Variants in C14orf39 observed in about 807,000 individuals in gnomAD.
C14orf39 encodes chromosome 14 open reading frame 39, also known as protein SIX6OS1.
A neutral mutation model predicts 85.6 loss-of-function variants in C14orf39; 66 were observed. The observed-to-expected ratio is 0.77, with a 90% CI of 0.63 to 0.95. The LOEUF (loss-of-function observed/expected upper bound fraction) is 0.95, where lower values mean the gene tolerates loss of function less well. Among genes scored for constraint, C14orf39 ranks in the 40% least tolerant of loss-of-function variants. The pLI, the probability that C14orf39 is intolerant of heterozygous loss-of-function variation, is 0.00. For synonymous variants in C14orf39, 242 were observed against 214.0 expected (o/e 1.13, Z -1.14); for missense variants, 735 against 663.9 (o/e 1.11, Z -1.18).
chr14:60,495,736 G>T, intron 2 of C14orf39: 1 of 217,228 alleles, frequency 4.6e-6, no homozygotes, highest in Non-Finnish European at 9.4e-6. Context: ...GTATCTACAA[G>T]GAGCTATCAG....
upstream of C14orf39, among the ~76,000 whole-genome samples, chr14:60,486,896 CATGTT>C (rs1892904751): frequency 6.6e-6 from 1 of 152,172 alleles, no homozygotes; most frequent in African/African-American, 2.4e-5. Flanking sequence ...ACAAAACTAA[CATGTT>C]TTGATAATGT....
At chr14:60,477,864 A>T (rs1298653225) in intron 5 of C14orf39, among the ~76,000 whole-genome samples, 2 of 152,078 alleles carry the variant, frequency 1.3e-5, no homozygotes, top group African/African-American at 4.8e-5. Flanking sequence ...CAAGGAGTCC[A>T]AAACACTACA....
At position 60,466,040 on chromosome 14, in the gene C14orf39, C is replaced by G; in HGVS notation, c.911G>C (p.Ser304Thr). The change falls in exon 11 of 18, where the codon AGT becomes ACT. Residue 304 changes from serine (S) to threonine (T), a missense_variant. Ser to Thr is a moderately conservative substitution (Grantham distance 58). Coordinates refer to ENST00000321731, the MANE Select transcript of C14orf39 (RefSeq NM_174978.3). ...EPRVADIKEESSAKQSKLANI... is the reference protein window; with the variant it reads ...EPRVADIKEETSAKQSKLANI... Reference sequence around the variant, plus strand: ...GGCAAGCTTTGACTGCTTCGCAGAACTTTCTTCTTTTATATCTAGATTATT... The same window carrying G: ...GGCAAGCTTTGACTGCTTCGCAGAAGTTTCTTCTTTTATATCTAGATTATT... 1.3e-6 allele frequency: 2 copies of G among 1,523,862 alleles called. No homozygotes were observed. Among genetic ancestry groups the G allele is most frequent in the Non-Finnish European group, 1.8e-6 (2 of 1,132,898 alleles). 94.4% of individuals were successfully genotyped at this position (1,523,862 alleles called of 1,614,324 possible). A position where few individuals can be genotyped will look rare whatever the true frequency, so the allele number is the denominator to read the frequency against.
In C14orf39 at chr14:60,495,985, C is replaced by G. The variant is rs150576249; in HGVS notation, c.-9+3311G>C. 181 of 484,648 alleles carry G rather than the reference C, an allele frequency of 3.7e-4. 1 individual carries two copies. Among genetic ancestry groups the G allele is most frequent in the Admixed American group, 1.8e-4 (8 of 43,676 alleles). 30.0% of individuals were successfully genotyped at this position (484,648 alleles called of 1,614,324 possible). On this transcript the variant is annotated intron_variant, in intron 2 of 5. Coordinates refer to the C14orf39 transcript ENST00000556799. ...GGAGCACATATGTCCCACTTTAGGACGAAGGGTATCAGTCCCAGGGACAAA... is the reference window on the plus strand; with the variant it reads ...GGAGCACATATGTCCCACTTTAGGAGGAAGGGTATCAGTCCCAGGGACAAA...
intron 14 of C14orf39, 29 bp from the exon 15 acceptor site, chr14:60,457,124 A>G: frequency 7.0e-7 from 1 of 1,430,982 alleles, no homozygotes; most frequent in South Asian, 1.4e-5. Flanking sequence ...AGAAAACTAT[A>G]AAACAAATGC....
At chr14:60,490,758 G>A (rs1345793412), upstream of C14orf39, among the ~76,000 whole-genome samples, 1 of 152,172 alleles carries the variant, frequency 6.6e-6, no homozygotes, top group African/African-American at 2.4e-5. Context: ...AGATTTGGTA[G>A]TCGAGACACC....
chr14:60,468,473 T>C lies in C14orf39; in HGVS notation c.739A>G (p.Thr247Ala). The C allele has an allele frequency of 1.3e-6, 2 of 1,597,392 alleles. No individual in the cohort carries two copies. The highest frequency in any genetic ancestry group is 1.7e-6 in the Non-Finnish European group (2 of 1,170,466). Residue 247 changes from threonine to alanine, a missense_variant, in exon 9 of 18, where the codon ACA becomes GCA. Physicochemically the swap from Thr to Ala is moderately conservative, Grantham distance 58. Transcript: ENST00000321731. Reference sequence around the variant, plus strand: ...TCTTTCAGTTCTTTTCTGTTTTCTGTATTTTTGTTCTTTTCTTCCAGAGTT... The same window carrying C: ...TCTTTCAGTTCTTTTCTGTTTTCTGCATTTTTGTTCTTTTCTTCCAGAGTT... ...SETLEEKNKN[T>A]ENRKELKERI...
At chr14:60,437,282 A>C (rs1000798117) in intron 17 of C14orf39, among the ~76,000 whole-genome samples, 1 of 152,038 alleles carries the variant, frequency 6.6e-6, no homozygotes, top group South Asian at 2.1e-4. Flanking sequence ...ACTCTAGTAT[A>C]TAAAGAACTA....
chr14:60,511,541 C>T (rs1030626783), intron 1 of C14orf39: 8 of 553,044 alleles, frequency 1.4e-5, no homozygotes, highest in Non-Finnish European at 2.3e-5. Flanking sequence ...CTTCGGAACC[C>T]GAACTGCAAG....
At chr14:60,440,549 G>A (rs186997976) in intron 17 of C14orf39, among the ~76,000 whole-genome samples, 112 of 152,174 alleles carry the variant, frequency 7.4e-4, no homozygotes, top group African/African-American at 2.2e-3. Context: ...TCATTTTATA[G>A]CTTCCTGACC....
At position 60,472,128 on chromosome 14, in the gene C14orf39, C is replaced by T. The variant is rs201489543; in HGVS notation, c.324-389G>A. Among the ~76,000 whole-genome samples the T allele has an allele frequency of 2.6e-5, 4 of 152,160 alleles. No homozygotes were observed. The East Asian group carries it at 7.7e-4, about 29-fold the overall frequency. On this transcript the variant is annotated intron_variant, in intron 5 of 17. Coordinates refer to ENST00000321731, the MANE Select transcript of C14orf39 (RefSeq NM_174978.3). The stretch of plus-strand genomic sequence containing the variant: ...CTTGTGGAACCTCTATCTTCCCTGG[C>T]TTCTGAGTCTCTACTCTCCCAAGCT...
chr14:60,480,013 T>C (rs1892564363), intron 4 of C14orf39, among the ~76,000 whole-genome samples: 2 of 152,144 alleles, frequency 1.3e-5, no homozygotes, highest in Admixed American at 6.5e-5. Flanking sequence ...AAAGAAGAGA[T>C]ACAAATGGCC....
chr14:60,457,177 T>C, intron 14 of C14orf39, 82 bp from the exon 15 acceptor site: 6 of 842,420 alleles, frequency 7.1e-6, no homozygotes, highest in Non-Finnish European at 1.1e-5. Flanking sequence ...AGGTGGAAAA[T>C]ACCTTATTAA....
chr14:60,466,502 G>C (rs535942159), intron 10 of C14orf39, among the ~76,000 whole-genome samples: 1 of 151,932 alleles, frequency 6.6e-6, no homozygotes, highest in East Asian at 1.9e-4. Context: ...CAACCTAATA[G>C]TTAATTTAAT....
chr14:60,456,053 A>G (rs1891259509), intron 15 of C14orf39, among the ~76,000 whole-genome samples: 1 of 152,140 alleles, frequency 6.6e-6, no homozygotes, highest in South Asian at 2.1e-4. Context: ...TTGAGTCAAC[A>G]GCATGACATT....
intron 1 of C14orf39, chr14:60,509,283 C>T (rs1893252166): frequency 2.2e-6 from 2 of 908,558 alleles, no homozygotes; most frequent in Admixed American, 1.8e-5. Flanking sequence ...GTAGTGTGTC[C>T]CGCTGCCCCA....
At chr14:60,440,910 G>GC (rs796737146) in intron 17 of C14orf39, among the ~76,000 whole-genome samples, 24 of 152,164 alleles carry the variant, frequency 1.6e-4, no homozygotes, top group African/African-American at 5.8e-4. Context: ...ACCTCCTTCT[G>GC]CTCAATGTTG....
chr14:60,455,412 A>C (rs1241904738), intron 15 of C14orf39, among the ~76,000 whole-genome samples: 1 of 152,072 alleles, frequency 6.6e-6, no homozygotes, highest in Non-Finnish European at 1.5e-5. Context: ...TACAGTAGGG[A>C]ATTTTGAAGC....
chr14:60,473,753 T>A, intron 5 of C14orf39, among the ~76,000 whole-genome samples: 1 of 152,276 alleles, frequency 6.6e-6, no homozygotes, highest in Admixed American at 6.5e-5. Flanking sequence ...TTCTGTTCCA[T>A]TGGTCTGTAT....
Sources: gnomAD v4.1 joint callset for allele counts (sites outside exome capture counted in the v4.1 genomes callset) on GRCh38, gnomAD v4.1.1 for gene constraint, MANE v1.5 for transcripts, NCBI Gene and HGNC (gene_info 2026-07-23, HGNC 2026-07-21) for gene names.